The following PTPRE variants were observed in gnomAD, a reference collection of about 807,000 sequenced individuals.
PTPRE encodes the protein receptor-type tyrosine-protein phosphatase epsilon.
Under a neutral mutation model 102.0 loss-of-function variants are expected in PTPRE, and 51 were observed. The observed-to-expected ratio is 0.50, with a 90% CI of 0.40 to 0.63. PTPRE has a LOEUF of 0.63. Among genes scored for constraint, PTPRE ranks in the 30% least tolerant of loss-of-function variants. The probability of loss-of-function intolerance (pLI) is 0.00; values close to 1 mark genes in which losing one functional copy is unlikely to be tolerated. For missense variants in PTPRE, 752 were observed against 915.1 expected (o/e 0.82, Z 2.30); for synonymous variants, 345 against 348.2 (o/e 0.99, Z 0.10).
At position 128,082,943 on chromosome 10, in the gene PTPRE, C is replaced by A; in HGVS notation, c.*37C>A. 4 of 1,470,792 alleles carry A rather than the reference C, an allele frequency of 2.7e-6. No individual in the cohort carries two copies. The South Asian group carries it at 5.5e-5, about 20-fold the overall frequency. 91.1% of individuals were successfully genotyped at this position (1,470,792 alleles called of 1,614,324 possible). A position where few individuals can be genotyped will look rare whatever the true frequency, so the allele number is the denominator to read the frequency against. On this transcript the variant is annotated 3_prime_UTR_variant, in exon 21 of 21. Transcript: ENST00000254667. ...TTAAAATATTTTTTAATTTAATGGT[C>A]AGTATATTTTGTAAAAATCATGTTA...
chr10:127,992,397 A>G (rs1305741394), intron 2 of PTPRE, among the ~76,000 whole-genome samples: 1 of 152,160 alleles, frequency 6.6e-6, no homozygotes, highest in African/African-American at 2.4e-5. Flanking sequence ...CTCAGAAGAA[A>G]CTGAAAAGTT....
chr10:128,009,932 G>A (rs1388975524), intron 2 of PTPRE, among the ~76,000 whole-genome samples: 1 of 152,208 alleles, frequency 6.6e-6, no homozygotes, highest in African/African-American at 2.4e-5. Context: ...TGACCCTTAT[G>A]AGAGAAAGCA....
chr10:128,074,667 A>AG (rs1851073700), intron 17 of PTPRE, among the ~76,000 whole-genome samples: 1 of 69,644 alleles, frequency 1.4e-5, no homozygotes. Flanking sequence ...ACTCTGTCTC[A>AG]AAAAAAAAAA....
chr10:127,955,304 A>G (rs796875242), intron 1 of PTPRE, among the ~76,000 whole-genome samples: 7 of 152,240 alleles, frequency 4.6e-5, no homozygotes, highest in African/African-American at 1.4e-4. Context: ...ATACATACAT[A>G]CATACATACA....
chr10:127,974,191 G>A (rs1850973012), intron 1 of PTPRE, among the ~76,000 whole-genome samples: 2 of 152,192 alleles, frequency 1.3e-5, no homozygotes, highest in South Asian at 4.1e-4. Context: ...CACATCCCAG[G>A]CTCACAGCAG....
At chr10:128,001,854 C>T (rs1189834253) in intron 2 of PTPRE, among the ~76,000 whole-genome samples, 2 of 152,198 alleles carry the variant, frequency 1.3e-5, no homozygotes, top group African/African-American at 4.8e-5. Flanking sequence ...GTAAGGGGCA[C>T]TGGAAACATC....
At chr10:127,951,745 C>G (rs1208499377) in intron 1 of PTPRE, among the ~76,000 whole-genome samples, 1 of 152,176 alleles carries the variant, frequency 6.6e-6, no homozygotes, top group Non-Finnish European at 1.5e-5. Flanking sequence ...AATAGTAAAT[C>G]AAAAACATGA....
intron 2 of PTPRE, among the ~76,000 whole-genome samples, chr10:128,014,215 G>T (rs1035766475): frequency 6.6e-6 from 1 of 152,190 alleles, no homozygotes; most frequent in Non-Finnish European, 1.5e-5. Flanking sequence ...CTGGCAGAGG[G>T]TGCGTCCCCT....
rs187412525 is a variant in PTPRE, at chr10:127,959,006, C to T, written c.-30-23268C>T. 3.0e-3 allele frequency among the ~76,000 whole-genome samples: 450 copies of T among 151,560 alleles called. 1 individual carries two copies. The highest frequency in any genetic ancestry group is 0.014 in the Middle Eastern group (4 of 290). ...CCTCCTCCTGGGTTCAAGCGATTCT[C>T]CCATCTCGGCCTCCCGAATAGCTGG... On this transcript the variant is annotated intron_variant, in intron 1 of 20. Coordinates refer to ENST00000254667, the MANE Select transcript of PTPRE (RefSeq NM_006504.6).
intron 2 of PTPRE, among the ~76,000 whole-genome samples, chr10:128,022,810 A>G (rs1206497661): frequency 6.6e-6 from 1 of 152,208 alleles, no homozygotes; most frequent in Non-Finnish European, 1.5e-5. Context: ...GCCAGAGCGG[A>G]GTCCTGTGAA....
chr10:127,920,268 G>A (rs762804708), intron 1 of PTPRE, among the ~76,000 whole-genome samples: 26 of 152,182 alleles, frequency 1.7e-4, no homozygotes, highest in Non-Finnish European at 3.1e-4. Context: ...GAAAGCCTCC[G>A]TGAGAAGAGC....
At chr10:128,054,677 C>T (rs1485130964) in intron 6 of PTPRE, among the ~76,000 whole-genome samples, 1 of 151,770 alleles carries the variant, frequency 6.6e-6, no homozygotes, top group African/African-American at 2.4e-5. Context: ...AAGAGGGCGG[C>T]CTACGGTGCC....
chr10:127,937,773 C>A (rs562921555), intron 1 of PTPRE, among the ~76,000 whole-genome samples: 1 of 152,158 alleles, frequency 6.6e-6, no homozygotes, highest in Non-Finnish European at 1.5e-5. Context: ...GTGGAAGGAT[C>A]GCTTGAACCC....
chr10:127,916,187 C>T (rs1846195008), intron 1 of PTPRE, among the ~76,000 whole-genome samples: 1 of 152,132 alleles, frequency 6.6e-6, no homozygotes, highest in Non-Finnish European at 1.5e-5. Flanking sequence ...CAAATCTCAT[C>T]TTGAATTGTA....
chr10:128,015,397 C>T (rs1295795709), intron 2 of PTPRE, among the ~76,000 whole-genome samples: 4 of 151,842 alleles, frequency 2.6e-5, no homozygotes, highest in Admixed American at 6.6e-5. Context: ...GATGGAGTCT[C>T]GCTCTGTCGC....
rs115547141 is a variant in PTPRE, at chr10:128,044,801, T to C, written c.110-2589T>C. 5.9e-3 allele frequency among the ~76,000 whole-genome samples: 903 copies of C among 152,358 alleles called. 11 individuals are homozygous for C. The highest frequency in any genetic ancestry group is 0.021 in the African/African-American group (871 of 41,582). ...CTCCCTGACTCCTGGCTGGACCACA[T>C]TGGTGCCCAGAGGACATATTTTTGT... On this transcript the variant is annotated intron_variant, in intron 3 of 20. Transcript: ENST00000254667.
At chr10:128,014,048 C>T (rs964854432) in intron 2 of PTPRE, among the ~76,000 whole-genome samples, 6 of 152,174 alleles carry the variant, frequency 3.9e-5, no homozygotes, top group Non-Finnish European at 8.8e-5. Context: ...GGCCAAATTG[C>T]CTGTCCTCTC....
chr10:127,909,546 C>T (rs1392774683), intron 1 of PTPRE, among the ~76,000 whole-genome samples: 2 of 152,198 alleles, frequency 1.3e-5, no homozygotes, highest in Admixed American at 6.6e-5. Context: ...TATCAAATGC[C>T]CCTTGACTCA....
At chr10:128,043,122 T>C (rs147908620) in intron 3 of PTPRE, among the ~76,000 whole-genome samples, 176 of 152,310 alleles carry the variant, frequency 1.2e-3, no homozygotes, top group Non-Finnish European at 9.3e-4. Context: ...AAGACAGTTT[T>C]TCCGTGGAAT....
Sources: allele counts gnomAD v4.1 joint callset (sites outside exome capture counted in the v4.1 genomes callset), GRCh38; gene constraint gnomAD v4.1.1; transcripts MANE v1.5; gene names NCBI Gene and HGNC (gene_info 2026-07-23, HGNC 2026-07-21).